The following OR10S1 variants were observed in gnomAD, a reference collection of about 807,000 sequenced individuals.
OR10S1 encodes olfactory receptor 10S1.
For missense variants in OR10S1, 415 were observed against 407.9 expected (o/e 1.02, Z -0.15); for synonymous variants, 167 against 164.1 (o/e 1.02, Z -0.13).
chr11:123,977,058 C>T (rs1456147761), exon 1 of OR10S1: 6 of 1,614,210 alleles, frequency 3.7e-6, no homozygotes, highest in Non-Finnish European at 4.2e-6. Flanking sequence ...GCAAGCATGA[C>T]TAGCTCATTA....
exon 1 of OR10S1, chr11:123,976,951 G>C (rs773075368): frequency 5.6e-6 from 9 of 1,613,856 alleles, no homozygotes; most frequent in Non-Finnish European, 7.6e-6. Flanking sequence ...CCCGCTGCCG[G>C]CCCTGGGCTG....
chr11:123,977,113 G>C, exon 1 of OR10S1: 2 of 1,614,242 alleles, frequency 1.2e-6, no homozygotes, highest in Non-Finnish European at 1.7e-6. Context: ...GGGGTATGTC[G>C]CAGAAGAAGT....
exon 1 of OR10S1, chr11:123,977,152 C>T (rs763190998): frequency 2.5e-6 from 4 of 1,614,072 alleles, no homozygotes. Flanking sequence ...CACAGTAGAG[C>T]AGGCGGAAGG....
chr11:123,977,049 C>G, exon 1 of OR10S1: 1 of 1,614,198 alleles, frequency 6.2e-7, no homozygotes, highest in Non-Finnish European at 8.5e-7. Context: ...CCAATGCTGG[C>G]AAGCATGACT....
At chr11:123,977,385 C>T (rs560485253) in exon 1 of OR10S1, 2 of 1,614,006 alleles carry the variant, frequency 1.2e-6, no homozygotes, top group Non-Finnish European at 1.7e-6. Context: ...ATCACCTTCC[C>T]ATCCAGAGTC....
exon 1 of OR10S1, chr11:123,976,984 C>T (rs1302846604): frequency 6.2e-7 from 1 of 1,614,006 alleles, no homozygotes; most frequent in Non-Finnish European, 8.5e-7. Flanking sequence ...ACACAGCTGC[C>T]ACGATGAAGA....
chr11:123,977,476 C>G (rs981134378), exon 1 of OR10S1: 1 of 1,614,050 alleles, frequency 6.2e-7, no homozygotes, highest in Non-Finnish European at 8.5e-7. Flanking sequence ...GGAAGTGGTA[C>G]ATGGGTAAGC....
Position 123,976,980 on chromosome 11 carries a change from CTG to C in OR10S1, c.683_684del (p.Ala228GlyfsTer43), listed in dbSNP as rs1863725764. ...TGGGCTGTGCGGATGCGCAACACAG[CTG>C]CCACGATGAAGATGTAGGAAATAAC... On this transcript the variant is annotated frameshift_variant, in exon 1 of 1. Transcript: ENST00000641123. LOFTEE classifies it low-confidence loss of function (END_TRUNC). The C allele has an allele frequency of 1.2e-6, 2 of 1,614,024 alleles. No individual in the cohort carries two copies. The highest frequency in any genetic ancestry group is 1.7e-6 in the Non-Finnish European group (2 of 1,180,044).
At chr11:123,976,855 A>C (rs771445657) in exon 1 of OR10S1, 1 of 1,614,142 alleles carries the variant, frequency 6.2e-7, no homozygotes, top group Non-Finnish European at 8.5e-7. Flanking sequence ...CTCCTGCCTC[A>C]CTGGAGCGAG....
Position 123,977,064 on chromosome 11 carries a change from C to T in OR10S1, c.601G>A (p.Glu201Lys), listed in dbSNP as rs1591454188. Reference sequence around the variant, plus strand: ...CCAATGCTGGCAAGCATGACTAGCTCATTAATGGTGGTGTCTGTACAGGCG... The same window carrying T: ...CCAATGCTGGCAAGCATGACTAGCTTATTAATGGTGGTGTCTGTACAGGCG... Residue 201 changes from glutamate to lysine, a missense_variant, in exon 1 of 1, where the codon GAG (glutamate) becomes AAG (lysine). Glu to Lys is a moderately conservative substitution (Grantham distance 56). Transcript: ENST00000641123. 3.7e-6 allele frequency: 6 copies of T among 1,614,186 alleles called. No homozygotes were observed. The East Asian group carries it at 1.3e-4, about 36-fold the overall frequency.
At chr11:123,977,678 G>A in exon 1 of OR10S1, 1 of 1,599,608 alleles carries the variant, frequency 6.3e-7, no homozygotes, top group South Asian at 1.1e-5. Flanking sequence ...CTCACACACA[G>A]AGCGGCTAGT....
chr11:123,977,460 G>T lies in OR10S1; in HGVS notation c.205C>A (p.His69Asn), dbSNP rs1416452737. 2.9e-5 allele frequency: 46 copies of T among 1,613,986 alleles called. No individual in the cohort carries two copies. The highest frequency in any genetic ancestry group is 3.7e-5 in the Non-Finnish European group (44 of 1,180,006). Reference sequence around the variant, plus strand: ...AAACAGGCATCCAGGAAGGAGAGGTGCCCCAGGAAGTGGTACATGGGTAAG... The same window carrying T: ...AAACAGGCATCCAGGAAGGAGAGGTTCCCCAGGAAGTGGTACATGGGTAAG... The change falls in exon 1 of 1, where the codon CAC becomes AAC. Residue 69 changes from histidine (H) to asparagine (N), a missense_variant. Transcript: ENST00000641123.
chr11:123,977,381 T>C, exon 1 of OR10S1: 3 of 1,614,120 alleles, frequency 1.9e-6, no homozygotes, highest in Non-Finnish European at 2.5e-6. Context: ...GGAGATCACC[T>C]TCCCATCCAG....
At chr11:123,977,527 A>T (rs777156744) in exon 1 of OR10S1, 1 of 1,613,964 alleles carries the variant, frequency 6.2e-7, no homozygotes, top group Non-Finnish European at 8.5e-7. Flanking sequence ...GGATGAGGAG[A>T]TTCCCAGCCA....
exon 1 of OR10S1, chr11:123,976,801 G>A: frequency 6.2e-7 from 1 of 1,614,192 alleles, no homozygotes; most frequent in Non-Finnish European, 8.5e-7. Flanking sequence ...TGAATGGGTT[G>A]AGCATTGGAG....
chr11:123,976,727 C>G (rs146618461), exon 1 of OR10S1: 4 of 1,613,022 alleles, frequency 2.5e-6, no homozygotes, highest in African/African-American at 1.3e-5. Flanking sequence ...TGTAGACTCT[C>G]GGAAGCTGCT....
exon 1 of OR10S1, chr11:123,977,297 A>C: frequency 2.5e-6 from 4 of 1,614,220 alleles, no homozygotes; most frequent in Non-Finnish European, 3.4e-6. Flanking sequence ...GTCATAGGCC[A>C]TGACTGTGTA....
At chr11:123,977,465 A>G in exon 1 of OR10S1, 1 of 1,614,174 alleles carries the variant, frequency 6.2e-7, no homozygotes, top group Non-Finnish European at 8.5e-7. Context: ...GAGGTGCCCC[A>G]GGAAGTGGTA....
chr11:123,977,255 T>G (rs1280884705), exon 1 of OR10S1: 24 of 1,613,944 alleles, frequency 1.5e-5, no homozygotes, highest in Non-Finnish European at 2.0e-5. Context: ...GGCCACTGGG[T>G]AGTGCAGGGG....
Sources: gnomAD v4.1 joint callset for allele counts on GRCh38, gnomAD v4.1.1 for gene constraint, MANE v1.5 for transcripts, NCBI Gene and HGNC (gene_info 2026-07-23, HGNC 2026-07-21) for gene names.